Variants in EZH1 observed in about 807,000 individuals in gnomAD.
The protein encoded by EZH1 is enhancer of zeste 1 polycomb repressive complex 2 subunit.
Under a neutral mutation model 100.5 loss-of-function variants are expected in EZH1, and 33 were observed. The observed-to-expected ratio is 0.33, with a 90% CI of 0.25 to 0.44. The LOEUF is 0.44. EZH1 is among the 20% of genes least tolerant of loss of function. The probability of loss-of-function intolerance (pLI) is 1.00; values close to 1 mark genes in which losing one functional copy is unlikely to be tolerated. For missense variants in EZH1, 475 were observed against 928.4 expected (o/e 0.51, Z 6.35); for synonymous variants, 272 against 313.8 (o/e 0.87, Z 1.41).
intron 5 of EZH1, among the ~76,000 whole-genome samples, chr17:42,723,384 A>AAG (rs1210385002): frequency 6.6e-6 from 1 of 151,940 alleles, no homozygotes; most frequent in East Asian, 1.9e-4. Context: ...AAAAAAAAAA[A>AAG]AAGTTTCATA....
intron 12 of EZH1, among the ~76,000 whole-genome samples, chr17:42,711,849 G>A (rs1331183919): frequency 6.6e-6 from 1 of 151,222 alleles, no homozygotes; most frequent in Non-Finnish European, 1.5e-5. Flanking sequence ...AGAAAATGTG[G>A]AGAATAAAAT....
At chr17:42,708,781 CAGGGTCAACA>C in intron 14 of EZH1, 85 bp downstream of exon 14, 1 of 1,355,892 alleles carries the variant, frequency 7.4e-7, no homozygotes, top group Admixed American at 1.7e-5. Context: ...GGAAGTGGCA[CAGGGTCAACA>C]AGTGCAGCTG....
At chr17:42,704,485 C>G in intron 18 of EZH1, 117 bp downstream of exon 18, 1 of 727,626 alleles carries the variant, frequency 1.4e-6, no homozygotes, top group Non-Finnish European at 2.3e-6. Context: ...AGGGTAGAGG[C>G]TACAGTGAGC....
At chr17:42,729,941 G>A (rs1284693944) in intron 2 of EZH1, among the ~76,000 whole-genome samples, 1 of 151,908 alleles carries the variant, frequency 6.6e-6, no homozygotes, top group Non-Finnish European at 1.5e-5. Flanking sequence ...AGGTGGCTGA[G>A]GCAGGAGAAT....
At position 42,701,807 on chromosome 17, in the gene EZH1, G is replaced by A. The variant is rs1308371035; in HGVS notation, c.*725C>T. 2.0e-5 allele frequency: 3 copies of A among 152,366 alleles called. No individual in the cohort carries two copies. The highest frequency in any genetic ancestry group is 6.5e-5 in the Admixed American group (1 of 15,284). The allele number at this position is 152,366 out of a possible 1,614,324, so 9.4% of individuals were successfully genotyped here. On this transcript the variant is annotated 3_prime_UTR_variant, in exon 21 of 21. Transcript: ENST00000428826. ...TCTCCATCTATCTCCAGAGTACACA[G>A]AGAAGGCTTTCTCAAAGCCTCCTGG...
intron 13 of EZH1, 199 bp downstream of exon 13, chr17:42,709,647 C>T: frequency 3.7e-6 from 2 of 546,646 alleles, no homozygotes; most frequent in Non-Finnish European, 6.5e-6. Context: ...CACTGGGGGA[C>T]AAGAAGAGGG....
In EZH1 at chr17:42,702,874, C is replaced by T; in HGVS notation, c.2183+3G>A. 6.2e-7 allele frequency: 1 copy of T among 1,613,746 alleles called. No individual in the cohort carries two copies. The highest frequency in any genetic ancestry group is 1.1e-5 in the South Asian group (1 of 91,072). ...ATCCCAAGGACCATTACTGGCACCT[C>T]ACCTGTAATCAAAGAAGAGCTCTTC... On this transcript the variant is annotated splice_donor_region_variant and intron_variant, in intron 20 of 20. Coordinates refer to ENST00000428826, the MANE Select transcript of EZH1 (RefSeq NM_001991.5).
At position 42,718,362 on chromosome 17, in the gene EZH1, G is replaced by A; in HGVS notation, c.931+92C>T. On this transcript the variant is annotated intron_variant, in intron 9 of 20. Coordinates refer to ENST00000428826, the MANE Select transcript of EZH1 (RefSeq NM_001991.5). The surrounding 1 kb of genome is among the most constrained non-coding windows in gnomAD (Gnocchi z 4.2). ...TGTAAAACGTTAGAACAGAAGCCAG[G>A]AACTCTATACGAGAAACCAGAACAA... is the stretch of plus-strand genomic sequence containing the variant. 1 of 1,509,236 alleles carries A rather than the reference G, an allele frequency of 6.6e-7. No homozygotes were observed. Among genetic ancestry groups the A allele is most frequent in the Non-Finnish European group, 9.0e-7 (1 of 1,113,452 alleles). The allele number at this position is 1,509,236 out of a possible 1,614,324, so 93.5% of individuals were successfully genotyped here.
intron 1 of EZH1, among the ~76,000 whole-genome samples, chr17:42,744,491 A>G (rs2054240564): frequency 6.6e-6 from 1 of 152,030 alleles, no homozygotes; most frequent in African/African-American, 2.4e-5. Flanking sequence ...GCTCCTTTAC[A>G]CTTTGTGCCT....
intron 10 of EZH1, among the ~76,000 whole-genome samples, chr17:42,717,416 G>A (rs73983750): frequency 0.018 from 2,773 of 152,128 alleles, 87 homozygotes; most frequent in African/African-American, 0.064. Context: ...TTTATTCATC[G>A]CCTAGGCTCA....
At chr17:42,724,504 G>T (rs2053778749) in intron 4 of EZH1, 80 bp from the exon 5 acceptor site, 1 of 1,548,160 alleles carries the variant, frequency 6.5e-7, no homozygotes, top group Non-Finnish European at 8.8e-7. Flanking sequence ...TCCAAAATTG[G>T]CTGGGCATAG....
chr17:42,734,402 T>C (rs903857133), intron 1 of EZH1, among the ~76,000 whole-genome samples: 6 of 152,138 alleles, frequency 3.9e-5, no homozygotes, highest in Non-Finnish European at 5.9e-5. Context: ...TTTCCTTTTT[T>C]CCTATTTTCC....
At chr17:42,731,863 G>A (rs2053956668) in intron 1 of EZH1, 1 of 152,456 alleles carries the variant, frequency 6.6e-6, no homozygotes, top group Admixed American at 6.6e-5. Flanking sequence ...TCACGCCATT[G>A]TACTGCGGCC....
At chr17:42,741,466 TCCCAAAG>T (rs902353573) in intron 1 of EZH1, among the ~76,000 whole-genome samples, 6 of 152,206 alleles carry the variant, frequency 3.9e-5, no homozygotes, top group Admixed American at 1.3e-4. Flanking sequence ...CTCGGCCTGC[TCCCAAAG>T]TGCTGGGATT....
chr17:42,714,096 T>G (rs2053543573), intron 10 of EZH1, among the ~76,000 whole-genome samples: 1 of 152,204 alleles, frequency 6.6e-6, no homozygotes, highest in Non-Finnish European at 1.5e-5. Context: ...AATCTGTGTA[T>G]GAAACTCAGA....
chr17:42,724,738 C>T (rs1315513452), intron 4 of EZH1: 2 of 212,398 alleles, frequency 9.4e-6, no homozygotes, highest in Non-Finnish European at 1.9e-5. Flanking sequence ...TGAGCCACTG[C>T]ACTCCAGCCT....
intron 1 of EZH1, among the ~76,000 whole-genome samples, chr17:42,739,807 A>G (rs551892143): frequency 1.2e-4 from 18 of 151,040 alleles, no homozygotes; most frequent in Non-Finnish European, 1.8e-4. Context: ...TTTTTGAGAC[A>G]GAGTCTCGCG....
intron 19 of EZH1, chr17:42,703,364 G>A (rs559420018): frequency 1.0e-3 from 309 of 294,482 alleles, no homozygotes; most frequent in African/African-American, 6.2e-3. Context: ...TTTTAGTAGA[G>A]ATGGGGTTTC....
In EZH1 at chr17:42,713,401, A is replaced by G. The variant is rs1323228025; in HGVS notation, c.1024-12T>C. The G allele has an allele frequency of 4.4e-6, 7 of 1,578,532 alleles. No homozygotes were observed. The highest frequency in any genetic ancestry group is 6.1e-6 in the Non-Finnish European group (7 of 1,155,160). ...TCCTTTGCTCCTTCCTGCAGTGGAC[A>G]CATTACAGACAGGAAATAGGAACAG... is the stretch of plus-strand genomic sequence containing the variant. On this transcript the variant is annotated splice_polypyrimidine_tract_variant and intron_variant, in intron 10 of 20. Transcript: ENST00000428826.
Sources: gnomAD v4.1 joint callset for allele counts (sites outside exome capture counted in the v4.1 genomes callset) on GRCh38, gnomAD v4.1.1 for gene constraint, Gnocchi (gnomAD v3.1) non-coding constraint, MANE v1.5 for transcripts, NCBI Gene and HGNC (gene_info 2026-07-23, HGNC 2026-07-21) for gene names.